Variants in ZNF98 observed in about 807,000 individuals in gnomAD.
ZNF98 encodes the protein zinc finger protein 98.
ZNF98 carries 8 observed loss-of-function variants against 12.8 expected under a neutral mutation model. The ratio of observed to expected loss-of-function variants is 0.63; its 90% CI spans 0.37 to 1.13. The LOEUF is 1.13. Ranked by LOEUF, ZNF98 falls within the 50% of genes most tolerant of loss-of-function variation. ZNF98 has a pLI of 0.01. For synonymous variants in ZNF98, 112 were observed against 223.5 expected (o/e 0.50, Z 4.45); for missense variants, 379 against 666.1 (o/e 0.57, Z 4.74).
chr19:22,403,572 T>A, intron 1 of ZNF98, 60 bp from the exon 2 acceptor site: 4 of 1,523,238 alleles, frequency 2.6e-6, no homozygotes, highest in Non-Finnish European at 2.6e-6. Context: ...GAATTTTTAA[T>A]TTGACTCAAG....
At chr19:22,399,468 AAT>A (rs1969433280) in intron 3 of ZNF98, among the ~76,000 whole-genome samples, 2 of 152,184 alleles carry the variant, frequency 1.3e-5, no homozygotes, top group Admixed American at 1.3e-4. Context: ...ATAAAGAAAA[AAT>A]ATATCTATTT....
At chr19:22,414,322 G>T (rs1196041792) in intron 1 of ZNF98, among the ~76,000 whole-genome samples, 1 of 149,942 alleles carries the variant, frequency 6.7e-6, no homozygotes, top group East Asian at 1.9e-4. Flanking sequence ...AATTAGATTT[G>T]CTATTTTTAT....
chr19:22,408,216 G>A (rs539752247), intron 1 of ZNF98, among the ~76,000 whole-genome samples: 4 of 152,302 alleles, frequency 2.6e-5, no homozygotes, highest in South Asian at 4.1e-4. Flanking sequence ...CTCAATAGAT[G>A]CAGAAAAGGC....
intron 1 of ZNF98, among the ~76,000 whole-genome samples, chr19:22,414,446 G>A (rs1236313638): frequency 3.3e-5 from 5 of 151,906 alleles, no homozygotes; most frequent in Admixed American, 6.6e-5. Context: ...AATCATAAGC[G>A]AAAAGAACAA....
rs753012225 is a variant in ZNF98 at position 22,391,789 on chromosome 19, T to G, written c.1446A>C (p.Val482=). The change falls in exon 4 of 4, where the codon GTA becomes GTC. Residue 482 remains valine (V), a synonymous_variant. Transcript: ENST00000357774. The part of the protein sequence containing the change: ...NQSSTLSKHK[V]IHTGEKPYKC... ...TGTAGGGCTTCTCTCCAGTATGAATTACCTTATGTTTAGAAAGAGTTGAGG... is the reference window on the plus strand; with the variant it reads ...TGTAGGGCTTCTCTCCAGTATGAATGACCTTATGTTTAGAAAGAGTTGAGG... 1.2e-6 allele frequency: 2 copies of G among 1,601,564 alleles called. No homozygotes were observed.
At chr19:22,394,761 G>A (rs1969370925) in intron 3 of ZNF98, among the ~76,000 whole-genome samples, 1 of 151,906 alleles carries the variant, frequency 6.6e-6, no homozygotes, top group African/African-American at 2.4e-5. Context: ...ACTGCACGCT[G>A]GGCACATGTA....
At chr19:22,405,177 C>T (rs111862981) in intron 1 of ZNF98, among the ~76,000 whole-genome samples, 2,388 of 149,526 alleles carry the variant, frequency 0.016, 53 homozygotes, top group African/African-American at 0.055. Flanking sequence ...GAAGAAAAAG[C>T]ACATGTAGAA....
intron 3 of ZNF98, among the ~76,000 whole-genome samples, chr19:22,395,547 A>G (rs192645222): frequency 2.4e-4 from 36 of 152,280 alleles, no homozygotes; most frequent in Non-Finnish European, 3.8e-4. Context: ...AGAAAATCAC[A>G]AAAATGAGAA....
rs534030641 is a variant in ZNF98 at position 22,407,522 on chromosome 19, G to A, written c.31-4010C>T. Among the ~76,000 whole-genome samples the A allele has an allele frequency of 1.5e-4, 23 of 150,412 alleles. 1 individual carries two copies. Among genetic ancestry groups the A allele is most frequent in the African/African-American group, 4.6e-4 (19 of 41,074 alleles). ...AGGTCAGGAGTTCAAGACCAGCCTG[G>A]CCAACATGGTGAAACACTATCTCTA... is the stretch of plus-strand genomic sequence containing the variant. On this transcript the variant is annotated intron_variant, in intron 1 of 3. Coordinates refer to ENST00000357774, the MANE Select transcript of ZNF98 (RefSeq NM_001098626.2).
At position 22,413,518 on chromosome 19, in the gene ZNF98, A is replaced by G. The variant is rs577960610; in HGVS notation, c.30+8677T>C. Among the ~76,000 whole-genome samples the G allele has an allele frequency of 2.0e-5, 3 of 152,310 alleles. No homozygotes were observed. In the South Asian group the frequency reaches 6.2e-4, roughly 32 times the overall value. On this transcript the variant is annotated intron_variant, in intron 1 of 3. Coordinates refer to ENST00000357774, the MANE Select transcript of ZNF98 (RefSeq NM_001098626.2). ...CAAAAAGAATAAAATATCTAGGACT[A>G]TAGCTAACCAGGGAGGTCAAAGATC...
chr19:22,414,855 G>C (rs999388763), intron 1 of ZNF98, among the ~76,000 whole-genome samples: 5 of 152,054 alleles, frequency 3.3e-5, no homozygotes, highest in Non-Finnish European at 5.9e-5. Flanking sequence ...AGAAGCAATT[G>C]CAACAAAAGT....
rs556951041 is a variant in ZNF98, at chr19:22,392,218, T to A, written c.1017A>T (p.Thr339=). ...KAFSQSSTLT[T]HKIIHTGEKF... is the part of the protein sequence containing the mutation. ...TCTCTCCAGTATGAATTATCTTATG[T>A]GTAGTAAGGGTTGAGGACTGGCTAA... Residue 339 remains threonine, a synonymous_variant, in exon 4 of 4, where the codon ACA becomes ACT. Transcript: ENST00000357774. The A allele has an allele frequency of 4.3e-5, 68 of 1,590,244 alleles. No individual in the cohort carries two copies. Among genetic ancestry groups the A allele is most frequent in the Middle Eastern group, 1.7e-4 (1 of 5,878 alleles).
chr19:22,402,477 A>G, intron 3 of ZNF98: 2 of 413,044 alleles, frequency 4.8e-6, no homozygotes, highest in Non-Finnish European at 8.5e-6. Flanking sequence ...CAGATTATCT[A>G]TGTGTTTTCA....
Position 22,391,320 on chromosome 19 carries a change from A to G in ZNF98, c.*196T>C, listed in dbSNP as rs1969318984. On this transcript the variant is annotated 3_prime_UTR_variant, in exon 4 of 4. Transcript: ENST00000357774. Reference sequence around the variant, plus strand: ...GCTGAATAAGATGTGTGCAGATATTAATCACTTTTTTACTTTCTTTATATT... The same window carrying G: ...GCTGAATAAGATGTGTGCAGATATTGATCACTTTTTTACTTTCTTTATATT... The G allele has an allele frequency of 8.7e-7, 1 of 1,149,616 alleles. No homozygotes were observed. The highest frequency in any genetic ancestry group is 1.6e-5 in the African/African-American group (1 of 63,742). 71.2% of individuals were successfully genotyped at this position (1,149,616 alleles called of 1,614,324 possible).
intron 1 of ZNF98, among the ~76,000 whole-genome samples, chr19:22,417,324 T>C (rs1453725307): frequency 2.0e-5 from 3 of 151,498 alleles, no homozygotes; most frequent in Non-Finnish European, 4.4e-5. Flanking sequence ...TGAGGCGTAG[T>C]TGAGGTTAGA....
intron 3 of ZNF98, among the ~76,000 whole-genome samples, chr19:22,397,340 C>T (rs1215625031): frequency 4.0e-5 from 6 of 151,532 alleles, no homozygotes; most frequent in Non-Finnish European, 7.4e-5. Context: ...CTGCACTTGC[C>T]GTAATAAAAA....
intron 3 of ZNF98, among the ~76,000 whole-genome samples, chr19:22,396,840 G>T (rs1969399101): frequency 6.6e-6 from 1 of 152,172 alleles, no homozygotes; most frequent in Non-Finnish European, 1.5e-5. Context: ...ACAGATTTAG[G>T]CTGGGCATGG....
chr19:22,421,901 G>A (rs1044895844), intron 1 of ZNF98, among the ~76,000 whole-genome samples: 3 of 152,184 alleles, frequency 2.0e-5, no homozygotes, highest in Non-Finnish European at 4.4e-5. Context: ...ACCCTCTCGT[G>A]GTCCCTGCAC....
At chr19:22,411,168 G>A (rs1381312013) in intron 1 of ZNF98, among the ~76,000 whole-genome samples, 2 of 151,938 alleles carry the variant, frequency 1.3e-5, no homozygotes, top group Non-Finnish European at 2.9e-5. Flanking sequence ...TCAGCCTTCC[G>A]AGTAGCTGGA....
Sources: allele counts gnomAD v4.1 joint callset (sites outside exome capture counted in the v4.1 genomes callset), GRCh38; gene constraint gnomAD v4.1.1; transcripts MANE v1.5; gene names NCBI Gene and HGNC (gene_info 2026-07-23, HGNC 2026-07-21).